EDIL3: variants seen among roughly 807,000 people sequenced by gnomAD.
EDIL3 encodes EGF-like repeat and discoidin I-like domain-containing protein 3.
In EDIL3, 37 loss-of-function variants were observed where a neutral mutation model predicts 67.4. The ratio of observed to expected loss-of-function variants is 0.55; its 90% confidence interval spans 0.42 to 0.72. The LOEUF (loss-of-function observed/expected upper bound fraction) is 0.72. EDIL3 is among the 30% of genes least tolerant of loss of function. The pLI, the probability that EDIL3 is intolerant of heterozygous loss-of-function variation, is 0.00. For synonymous variants in EDIL3, 195 were observed against 196.3 expected (o/e 0.99, Z 0.05); for missense variants, 527 against 586.3 (o/e 0.90, Z 1.04).
intron 9 of EDIL3, among the ~76,000 whole-genome samples, chr5:84,002,270 G>A (rs1745344781): frequency 6.6e-6 from 1 of 151,844 alleles, no homozygotes; most frequent in Non-Finnish European, 1.5e-5. Context: ...GGGGATAGAA[G>A]GAACATACCT....
At chr5:84,336,797 G>A (rs1028544963) in intron 1 of EDIL3, among the ~76,000 whole-genome samples, 5 of 152,148 alleles carry the variant, frequency 3.3e-5, no homozygotes, top group Admixed American at 6.5e-5. Flanking sequence ...ATTAAATAGA[G>A]TTTCAAAATG....
chr5:84,283,094 T>C (rs909995021), intron 1 of EDIL3, among the ~76,000 whole-genome samples: 1 of 152,080 alleles, frequency 6.6e-6, no homozygotes, highest in Admixed American at 6.6e-5. Flanking sequence ...AAAGTTTATA[T>C]TGGGCTGATG....
At chr5:84,102,634 A>C (rs190612053) in intron 6 of EDIL3, among the ~76,000 whole-genome samples, 367 of 152,024 alleles carry the variant, frequency 2.4e-3, no homozygotes, top group African/African-American at 8.4e-3. Context: ...ACAAAAAAAA[A>C]ACGAAAAAAC....
At chr5:84,083,815 C>T (rs182001856) in intron 6 of EDIL3, among the ~76,000 whole-genome samples, 1 of 152,106 alleles carries the variant, frequency 6.6e-6, no homozygotes, top group Non-Finnish European at 1.5e-5. Flanking sequence ...TAACAAAGAA[C>T]TAAATGATTT....
chr5:84,052,239 C>A (rs964003963), intron 9 of EDIL3, among the ~76,000 whole-genome samples: 1 of 152,132 alleles, frequency 6.6e-6, no homozygotes, highest in African/African-American at 2.4e-5. Flanking sequence ...AAATAAAATC[C>A]TTTACAGACA....
chr5:84,106,863 A>G, intron 5 of EDIL3, 33 bp from the exon 6 acceptor site: 1 of 1,568,966 alleles, frequency 6.4e-7, no homozygotes, highest in Non-Finnish European at 8.6e-7. Flanking sequence ...ATATGAATGT[A>G]TTAGAAACAA....
intron 1 of EDIL3, among the ~76,000 whole-genome samples, chr5:84,338,845 GC>G (rs1220466480): frequency 6.6e-6 from 1 of 152,118 alleles, no homozygotes; most frequent in Non-Finnish European, 1.5e-5. Flanking sequence ...ATCACACAGG[GC>G]CCCCATACTT....
chr5:84,075,944 G>GTT (rs1491272888), intron 6 of EDIL3, among the ~76,000 whole-genome samples: 4 of 124,682 alleles, frequency 3.2e-5, no homozygotes, highest in African/African-American at 9.3e-5. Context: ...GCCATTGTGG[G>GTT]TTTTATATAT....
intron 9 of EDIL3, among the ~76,000 whole-genome samples, chr5:83,985,123 CTT>C (rs1454832544): frequency 6.6e-6 from 1 of 151,864 alleles, no homozygotes; most frequent in Non-Finnish European, 1.5e-5. Flanking sequence ...ATGGAGAAGA[CTT>C]TTTCTGCTTG....
intron 5 of EDIL3, 98 bp from the exon 6 acceptor site, chr5:84,106,928 AT>A: frequency 7.6e-7 from 1 of 1,307,212 alleles, no homozygotes; most frequent in South Asian, 1.5e-5. Flanking sequence ...AATGATTTGA[AT>A]TTGCACCACC....
intron 1 of EDIL3, among the ~76,000 whole-genome samples, chr5:84,314,129 G>A (rs913721729): frequency 1.3e-5 from 2 of 152,274 alleles, no homozygotes; most frequent in Middle Eastern, 6.8e-3. Flanking sequence ...CAGGGAGGCG[G>A]AGGTTGCAGT....
intron 1 of EDIL3, among the ~76,000 whole-genome samples, chr5:84,358,899 C>A (rs1242106707): frequency 6.6e-6 from 1 of 151,972 alleles, no homozygotes; most frequent in African/African-American, 2.4e-5. Context: ...CGTAAGCCAC[C>A]GCACCCAGCT....
intron 4 of EDIL3, among the ~76,000 whole-genome samples, chr5:84,153,318 A>G (rs1030392315): frequency 6.6e-6 from 1 of 152,004 alleles, no homozygotes; most frequent in Non-Finnish European, 1.5e-5. Context: ...TTTTTTTGAG[A>G]TGGAGTCTCA....
chr5:84,295,716 G>A (rs1746037453), intron 1 of EDIL3, among the ~76,000 whole-genome samples: 1 of 151,964 alleles, frequency 6.6e-6, no homozygotes, highest in Non-Finnish European at 1.5e-5. Flanking sequence ...AATGCATACT[G>A]ATATTAATTG....
At chr5:84,141,952 G>GATCAATCTATCTATCT (rs71605902) in intron 4 of EDIL3, among the ~76,000 whole-genome samples, 1 of 108,368 alleles carries the variant, frequency 9.2e-6, no homozygotes, top group African/African-American at 3.7e-5. Context: ...TATATACATA[G>GATCAATCTATCTATCT]ATCTATCTAT....
chr5:84,305,388 T>C lies in EDIL3; in HGVS notation c.68-51176A>G, dbSNP rs1746244447. Among the ~76,000 whole-genome samples, 5 of 152,350 alleles carry C rather than the reference T, an allele frequency of 3.3e-5. No homozygotes were observed. In the South Asian group the frequency reaches 1.0e-3, roughly 32 times the overall value. ...CATTTGTTCCACAAAATTTAGTTCT[T>C]ACCAGGTTTTTTGTAATCACTCCCA... On this transcript the variant is annotated intron_variant, in intron 1 of 10. Transcript: ENST00000296591.
In EDIL3 at chr5:84,141,926, CATATAT is replaced by C. The variant is rs145638622; in HGVS notation, c.356-4578_356-4573del. ...CTACTCATATATATATATATATACA[CATATAT>C]ATATATATATATATACATAGATCTA... is the stretch of plus-strand genomic sequence containing the variant. On this transcript the variant is annotated intron_variant, in intron 4 of 10. Transcript: ENST00000296591. 2.4e-5 allele frequency among the ~76,000 whole-genome samples: 3 copies of C among 124,926 alleles called. 1 individual carries two copies. Among genetic ancestry groups the C allele is most frequent in the African/African-American group, 6.7e-5 (2 of 29,668 alleles). The allele number at this position is 124,926 out of a possible 152,430, so 82.0% of individuals were successfully genotyped here.
intron 1 of EDIL3, among the ~76,000 whole-genome samples, chr5:84,266,790 T>C (rs1745361371): frequency 6.6e-6 from 1 of 152,214 alleles, no homozygotes; most frequent in Non-Finnish European, 1.5e-5. Context: ...ACAAATTACC[T>C]GCTTGCACAA....
chr5:84,015,987 C>T (rs956914596), intron 9 of EDIL3, among the ~76,000 whole-genome samples: 2 of 152,070 alleles, frequency 1.3e-5, no homozygotes, highest in Non-Finnish European at 2.9e-5. Flanking sequence ...CCTCTCATCA[C>T]CCCGGTCTCC....
Sources: allele counts gnomAD v4.1 joint callset (sites outside exome capture counted in the v4.1 genomes callset), GRCh38; gene constraint gnomAD v4.1.1; transcripts MANE v1.5; gene names NCBI Gene and HGNC (gene_info 2026-07-23, HGNC 2026-07-21).